Variants in MEX3D observed in about 807,000 individuals in gnomAD.
The protein encoded by MEX3D is mex-3 RNA binding family member D, also known as RNA-binding protein MEX3D.
MEX3D carries 4 observed loss-of-function variants against 6.3 expected under a neutral mutation model. The ratio of observed to expected loss-of-function variants is 0.64; its 90% CI spans 0.31 to 1.46. The LOEUF (loss-of-function observed/expected upper bound fraction) is 1.46. Ranked by LOEUF, MEX3D falls within the 40% of genes most tolerant of loss-of-function variation. The probability of loss-of-function intolerance (pLI) is 0.07; values close to 1 mark genes in which losing one functional copy is unlikely to be tolerated. For synonymous variants in MEX3D, 626 were observed against 494.1 expected (o/e 1.27, Z -3.54); for missense variants, 1,038 against 994.4 (o/e 1.04, Z -0.59).
rs764791505 is a variant in MEX3D at position 1,555,430 on chromosome 19, C to T, written c.*133G>A. ...AAGCTCATCTGTAAACACTGGCCGC[C>T]GCCCACCCCCCTGCCCCCTCGGCCT... On this transcript the variant is annotated 3_prime_UTR_variant, in exon 2 of 2. Transcript: ENST00000402693. 33 of 1,527,646 alleles carry T rather than the reference C, an allele frequency of 2.2e-5. No homozygotes were observed. The highest frequency in any genetic ancestry group is 7.5e-5 in the East Asian group (3 of 40,216). 94.6% of individuals were successfully genotyped at this position (1,527,646 alleles called of 1,614,324 possible). A position where few individuals can be genotyped will look rare whatever the true frequency, so the allele number is the denominator to read the frequency against.
rs762927759 is a variant in MEX3D at position 1,556,066 on chromosome 19, A to G, written c.1453T>C (p.Phe485Leu). Reference protein sequence around the residue: ...PFERAAPLPAFSGCSTVNGAP... With the variant: ...PFERAAPLPALSGCSTVNGAP... Reference sequence around the variant, plus strand: ...CCGTTGACCGTGGAGCAGCCGCTGAAGGCGGGCAAGGGGGCGGCGCGCTCA... The same window carrying G: ...CCGTTGACCGTGGAGCAGCCGCTGAGGGCGGGCAAGGGGGCGGCGCGCTCA... Residue 485 changes from phenylalanine (F) to leucine (L), a missense_variant, in exon 2 of 2, where the codon TTC (phenylalanine) becomes CTC (leucine). By Grantham distance (22) the Phe-to-Leu change is conservative (BLOSUM62 0). This residue lies in a region of MEX3D where 581 missense variants were observed against 516.2 expected (regional missense o/e 1.13). Coordinates refer to ENST00000402693, the MANE Select transcript of MEX3D (RefSeq NM_203304.4). The surrounding 1 kb of genome is among the most constrained non-coding windows in gnomAD (Gnocchi z 7.5). 122 of 1,396,228 alleles carry G rather than the reference A, an allele frequency of 8.7e-5. No individual in the cohort carries two copies. The highest frequency in any genetic ancestry group is 4.9e-4 in the Middle Eastern group (2 of 4,046). The allele number at this position is 1,396,228 out of a possible 1,614,324, so 86.5% of individuals were successfully genotyped here. A position where few individuals can be genotyped will look rare whatever the true frequency, so the allele number is the denominator to read the frequency against.
chr19:1,556,171 C>T lies in MEX3D; in HGVS notation c.1348G>A (p.Asp450Asn), dbSNP rs1045221529. 1 of 1,464,534 alleles carries T rather than the reference C, an allele frequency of 6.8e-7. No individual in the cohort carries two copies. Among genetic ancestry groups the T allele is most frequent in the Non-Finnish European group, 9.0e-7 (1 of 1,108,306 alleles). The allele number at this position is 1,464,534 out of a possible 1,614,324, so 90.7% of individuals were successfully genotyped here. ...TCGAAGTCGAAGCCGAAGTCGCAGT[C>T]GTCGGGGGCGGCCGTCCCCACCGGG... ...GAPVGTAAPD[D>N]CDFGFDFDFL... is the part of the protein sequence containing the mutation. The change falls in exon 2 of 2, where the codon GAC becomes AAC. Residue 450 changes from aspartate (D) to asparagine (N), a missense_variant. Physicochemically the swap from Asp to Asn is conservative, Grantham distance 23. Transcript: ENST00000402693. The surrounding 1 kb of genome is among the most constrained non-coding windows in gnomAD (Gnocchi z 7.5).
At chr19:1,565,503 C>T (rs770893821) in intron 1 of MEX3D, among the ~76,000 whole-genome samples, 6 of 152,198 alleles carry the variant, frequency 3.9e-5, no homozygotes, top group Non-Finnish European at 8.8e-5. Flanking sequence ...GATCACGTCA[C>T]TGCACTCCAG....
rs920442070 is a variant in MEX3D, at chr19:1,555,958, C to T, written c.1561G>A (p.Gly521Ser). 4 of 1,168,962 alleles carry T rather than the reference C, an allele frequency of 3.4e-6. No homozygotes were observed. The highest frequency in any genetic ancestry group is 4.2e-6 in the Non-Finnish European group (4 of 947,988). 72.4% of individuals were successfully genotyped at this position (1,168,962 alleles called of 1,614,324 possible). ...PRHSPTLPEP[G>S]GLRLELPLSR... Reference sequence around the variant, plus strand: ...AGCGGGAGCTCCAGGCGGAGGCCGCCGGGCTCGGGCAGCGTGGGCGAGTGG... The same window carrying T: ...AGCGGGAGCTCCAGGCGGAGGCCGCTGGGCTCGGGCAGCGTGGGCGAGTGG... Residue 521 changes from glycine to serine, a missense_variant, in exon 2 of 2, where the codon GGC becomes AGC. By Grantham distance (56) the Gly-to-Ser change is moderately conservative (BLOSUM62 0). Coordinates refer to ENST00000402693, the MANE Select transcript of MEX3D (RefSeq NM_203304.4).
chr19:1,557,036 G>A, intron 1 of MEX3D, 113 bp from the exon 2 acceptor site: 2 of 1,270,304 alleles, frequency 1.6e-6, no homozygotes, highest in Non-Finnish European at 2.2e-6. Flanking sequence ...CCCAGCCTGT[G>A]CCCAACAACA....
At chr19:1,560,521 G>A (rs1290719653) in intron 1 of MEX3D, among the ~76,000 whole-genome samples, 3 of 152,216 alleles carry the variant, frequency 2.0e-5, no homozygotes, top group Non-Finnish European at 2.9e-5. Flanking sequence ...AGGCTGCCCC[G>A]ACGTGGCCAC....
intron 1 of MEX3D, among the ~76,000 whole-genome samples, chr19:1,566,684 G>A (rs1056660678): frequency 1.3e-5 from 2 of 150,152 alleles, no homozygotes; most frequent in African/African-American, 4.9e-5. Context: ...CCACCCGCCC[G>A]CCCGCCCCGC....
At chr19:1,564,447 C>A (rs1914790617) in intron 1 of MEX3D, among the ~76,000 whole-genome samples, 1 of 150,602 alleles carries the variant, frequency 6.6e-6, no homozygotes, top group African/African-American at 2.4e-5. Context: ...GCAGGAGGAT[C>A]GCTTGAACCT....
At chr19:1,557,975 C>T (rs942390066) in intron 1 of MEX3D, among the ~76,000 whole-genome samples, 1 of 135,708 alleles carries the variant, frequency 7.4e-6, no homozygotes, top group East Asian at 2.4e-4. Flanking sequence ...CGCCTGAACT[C>T]AGGAGGTGGA....
Position 1,567,347 on chromosome 19 carries a change from G to T in MEX3D, c.595+117C>A. 2 of 1,190,490 alleles carry T rather than the reference G, an allele frequency of 1.7e-6. No individual in the cohort carries two copies. The highest frequency in any genetic ancestry group is 3.3e-5 in the East Asian group (1 of 30,680). 73.7% of individuals were successfully genotyped at this position (1,190,490 alleles called of 1,614,324 possible). ...AGCGGCCGAGGCCGGAGCCCACGCG[G>T]GGCGTGTCCGGTGCGGGGCGTCCGG... is the stretch of plus-strand genomic sequence containing the variant. On this transcript the variant is annotated intron_variant, in intron 1 of 1. Transcript: ENST00000402693. The surrounding 1 kb of genome is among the most constrained non-coding windows in gnomAD (Gnocchi z 6.5).
chr19:1,561,500 A>T (rs943578157), intron 1 of MEX3D, among the ~76,000 whole-genome samples: 2 of 152,164 alleles, frequency 1.3e-5, no homozygotes, highest in Admixed American at 6.5e-5. Flanking sequence ...TCTGGTGGGG[A>T]GGAGGGAAGC....
chr19:1,567,839 C>A lies in MEX3D; in HGVS notation c.220G>T (p.Ala74Ser). 7.0e-6 allele frequency: 7 copies of A among 1,001,892 alleles called. No individual in the cohort carries two copies. Among genetic ancestry groups the A allele is most frequent in the Non-Finnish European group, 8.3e-6 (7 of 841,732 alleles). The allele number at this position is 1,001,892 out of a possible 1,614,324, so 62.1% of individuals were successfully genotyped here. A position where few individuals can be genotyped will look rare whatever the true frequency, so the allele number is the denominator to read the frequency against. ...DQLSALGLGG[A>S]GDTDEEGAAG... is the part of the protein sequence containing the mutation. ...GCCCCCTCCTCGTCCGTGTCGCCAG[C>A]GCCCCCCAGCCCGAGCGCCGACAGC... The change falls in exon 1 of 2, where the codon GCT (alanine) becomes TCT (serine). Residue 74 changes from alanine to serine, a missense_variant. Ala to Ser is a moderately conservative substitution (Grantham distance 99). This residue lies in a region of MEX3D where 265 missense variants were observed against 206.3 expected (regional missense o/e 1.28). Transcript: ENST00000402693. This position sits in a 1 kb window ranked among gnomAD's most constrained non-coding sequence, Gnocchi z 6.5.
intron 1 of MEX3D, among the ~76,000 whole-genome samples, chr19:1,560,442 G>A (rs1914688774): frequency 6.6e-6 from 1 of 152,254 alleles, no homozygotes; most frequent in South Asian, 2.1e-4. Flanking sequence ...CGTTGCCAGG[G>A]TGCAGCATGG....
At chr19:1,566,659 G>A (rs1014045114) in intron 1 of MEX3D, among the ~76,000 whole-genome samples, 5 of 152,026 alleles carry the variant, frequency 3.3e-5, no homozygotes, top group Non-Finnish European at 5.9e-5. Flanking sequence ...TGTGAGCTGG[G>A]CCAGGCACTG....
chr19:1,556,571 C>G lies in MEX3D; in HGVS notation c.948G>C (p.Pro316=). 3 of 1,608,808 alleles carry G rather than the reference C, an allele frequency of 1.9e-6. No individual in the cohort carries two copies. Among genetic ancestry groups the G allele is most frequent in the Non-Finnish European group, 2.5e-6 (3 of 1,178,430 alleles). Reference sequence around the variant, plus strand: ...CGGGCATCCCAGTGACCGCGAACACCGGCTCCTTGTCGCGCCCGGGCGTCA... The same window carrying G: ...CGGGCATCCCAGTGACCGCGAACACGGGCTCCTTGTCGCGCCCGGGCGTCA... The part of the protein sequence containing the change: ...YIVTPGRDKE[P]VFAVTGMPEN... The change falls in exon 2 of 2, where the codon CCG becomes CCC. Residue 316 remains proline, a synonymous_variant. Transcript: ENST00000402693. This position sits in a 1 kb window ranked among gnomAD's most constrained non-coding sequence, Gnocchi z 7.5.
In MEX3D at chr19:1,555,241, T is replaced by C; in HGVS notation, c.*322A>G. 1.5e-6 allele frequency: 2 copies of C among 1,308,160 alleles called. No individual in the cohort carries two copies. The highest frequency in any genetic ancestry group is 1.5e-5 in the African/African-American group (1 of 65,298). 81.0% of individuals were successfully genotyped at this position (1,308,160 alleles called of 1,614,324 possible). A position where few individuals can be genotyped will look rare whatever the true frequency, so the allele number is the denominator to read the frequency against. The stretch of plus-strand genomic sequence containing the variant: ...GTTTTTTGTTTTGCTTTTTTAAAGA[T>C]CACCCTGGAGGGGAGGGGTGTCTAA... On this transcript the variant is annotated 3_prime_UTR_variant, in exon 2 of 2. Coordinates refer to ENST00000402693, the MANE Select transcript of MEX3D (RefSeq NM_203304.4).
Position 1,555,566 on chromosome 19 carries a change from G to T in MEX3D, c.1953C>A (p.Ser651=). The T allele has an allele frequency of 6.3e-7, 1 of 1,579,828 alleles. No homozygotes were observed. The highest frequency in any genetic ancestry group is 8.6e-7 in the Non-Finnish European group (1 of 1,165,352). The part of the protein sequence containing the change: ...TPATQAIHIF[S] Reference sequence around the variant, plus strand: ...CGGCCACGTGGTGGTCCGCGCTCTAGGAAAAGATATGAATGGCCTGGGTGG... The same window carrying T: ...CGGCCACGTGGTGGTCCGCGCTCTATGAAAAGATATGAATGGCCTGGGTGG... The change falls in exon 2 of 2, where the codon TCC becomes TCA. Residue 651 remains serine, a synonymous_variant. Transcript: ENST00000402693.
chr19:1,561,367 GAACA>G (rs1382340123), intron 1 of MEX3D, among the ~76,000 whole-genome samples: 1 of 152,186 alleles, frequency 6.6e-6, no homozygotes, highest in African/African-American at 2.4e-5. Flanking sequence ...GACGGGGCGA[GAACA>G]AGGCCTCACA....
rs1300879378 is a variant in MEX3D, at chr19:1,556,707, G to C, written c.812C>G (p.Pro271Arg). ...PGAAQGPPNL[P>R]GQTTIQVRVP... The stretch of plus-strand genomic sequence containing the variant: ...GCGCACCTGGATGGTGGTCTGTCCG[G>C]GAAGGTTGGGCGGGCCCTGGGCGGC... Residue 271 changes from proline to arginine, a missense_variant, in exon 2 of 2, where the codon CCC becomes CGC. By Grantham distance (103) the Pro-to-Arg change is moderately radical (BLOSUM62 -2). Transcript: ENST00000402693. The surrounding 1 kb of genome is among the most constrained non-coding windows in gnomAD (Gnocchi z 7.5). 3 of 1,611,100 alleles carry C rather than the reference G, an allele frequency of 1.9e-6. No homozygotes were observed. Among genetic ancestry groups the C allele is most frequent in the Non-Finnish European group, 2.5e-6 (3 of 1,179,014 alleles).
Sources: allele counts gnomAD v4.1 joint callset (sites outside exome capture counted in the v4.1 genomes callset), GRCh38; gene constraint gnomAD v4.1.1; regional missense constraint gnomAD v4.1.1; non-coding constraint Gnocchi (gnomAD v3.1); transcripts MANE v1.5; gene names NCBI Gene and HGNC (gene_info 2026-07-23, HGNC 2026-07-21).